Variants in TADA3 observed in about 807,000 individuals in gnomAD.
TADA3 encodes the protein transcriptional adapter 3.
In TADA3, 25 loss-of-function variants were observed where a neutral mutation model predicts 43.2. The observed-to-expected ratio is 0.58, with a 90% confidence interval of 0.42 to 0.81. TADA3 has a LOEUF of 0.81. Ranked by LOEUF, TADA3 falls within the 30% of genes least tolerant of loss-of-function variation. The probability of loss-of-function intolerance (pLI) is 0.00; values close to 1 mark genes in which losing one functional copy is unlikely to be tolerated. For synonymous variants in TADA3, 235 were observed against 225.5 expected, an observed-to-expected ratio of 1.04 and a Z score of -0.38; for missense variants, 441 against 567.8, an observed-to-expected ratio of 0.78 and a Z score of 2.27.
At chr3:9,786,482 T>C (rs1271081228) in intron 6 of TADA3, among the ~76,000 whole-genome samples, 1 of 151,682 alleles carries the variant, frequency 6.6e-6, no homozygotes, top group African/African-American at 2.4e-5. Context: ...GTGTCTAAGG[T>C]CAACCAGCAG....
intron 7 of TADA3, 112 bp from the exon 8 acceptor site, chr3:9,784,325 AC>A: frequency 2.2e-6 from 3 of 1,381,810 alleles, no homozygotes; most frequent in East Asian, 2.5e-5. Context: ...CCCTTTGGGC[AC>A]CCCCTCTGTA....
chr3:9,785,703 C>T (rs546869890), intron 6 of TADA3, among the ~76,000 whole-genome samples: 6 of 152,322 alleles, frequency 3.9e-5, no homozygotes, highest in South Asian at 2.1e-4. Context: ...GCGTCTGCAA[C>T]GCACCAGGCA....
upstream of TADA3, chr3:9,792,666 C>T (rs2078768064): frequency 1.8e-5 from 22 of 1,230,818 alleles, no homozygotes; most frequent in South Asian, 3.6e-4. Flanking sequence ...GCCGAGATCT[C>T]CGCGCTGCAG....
rs200448429 is a variant in TADA3, at chr3:9,781,617, A to G, written c.1107-1068T>C. ...TGACAGGAGGTGGGTGAGACACCAG[A>G]TCAATCTCTCTGAACAGGGTCTGAT... On this transcript the variant is annotated intron_variant, in intron 8 of 8. Coordinates refer to ENST00000301964, the MANE Select transcript of TADA3 (RefSeq NM_006354.5). The G allele has an allele frequency of 2.9e-4, 131 of 455,488 alleles. No individual in the cohort carries two copies. The Middle Eastern group carries it at 2.9e-3, about 10-fold the overall frequency. The allele number at this position is 455,488 out of a possible 1,614,324, so 28.2% of individuals were successfully genotyped here.
In TADA3 at chr3:9,791,487, T is replaced by C. The variant is rs758856567; in HGVS notation, c.-21A>G. On this transcript the variant is annotated 5_prime_UTR_variant, in exon 2 of 9. Transcript: ENST00000301964. ...CTCATGGCCCAGGATATGGGGATCC[T>C]GTGGAGCTGGAGAGGACAGGGCCAT... 7.6e-6 allele frequency: 12 copies of C among 1,584,050 alleles called. No homozygotes were observed. The highest frequency in any genetic ancestry group is 4.0e-5 in the African/African-American group (3 of 74,422).
chr3:9,786,249 T>TA (rs2125622805), intron 6 of TADA3, among the ~76,000 whole-genome samples: 1 of 152,246 alleles, frequency 6.6e-6, no homozygotes, highest in East Asian at 1.9e-4. Flanking sequence ...TCCTTGCTCT[T>TA]ATTCTGTGGG....
rs377606064 is a variant in TADA3 at position 9,785,366 on chromosome 3, T to C, written c.870A>G (p.Ser290=). The C allele has an allele frequency of 5.9e-5, 96 of 1,614,028 alleles. 1 individual carries two copies. The East Asian group carries it at 1.4e-3, about 24-fold the overall frequency. ...SPIPDMSGKE[S]GADGASTSPR... Reference sequence around the variant, plus strand: ...GGGAGGTGCTTGCCCCGTCAGCCCCTGATTCTTTCCCAGACATGTCAGGAA... The same window carrying C: ...GGGAGGTGCTTGCCCCGTCAGCCCCCGATTCTTTCCCAGACATGTCAGGAA... The change falls in exon 7 of 9, where the codon TCA becomes TCG. Residue 290 remains serine (S), a synonymous_variant. Coordinates refer to ENST00000301964, the MANE Select transcript of TADA3 (RefSeq NM_006354.5).
At position 9,789,587 on chromosome 3, in the gene TADA3, A is replaced by C; in HGVS notation, c.486T>G (p.Cys162Trp). 1 of 1,614,158 alleles carries C rather than the reference A, an allele frequency of 6.2e-7. No homozygotes were observed. Among genetic ancestry groups the C allele is most frequent in the Non-Finnish European group, 8.5e-7 (1 of 1,180,014 alleles). Residue 162 changes from cysteine to tryptophan, a missense_variant, in exon 4 of 9, where the codon TGT (cysteine) becomes TGG (tryptophan). By Grantham distance (215) the Cys-to-Trp change is radical (BLOSUM62 -2). Coordinates refer to ENST00000301964, the MANE Select transcript of TADA3 (RefSeq NM_006354.5). ...GGACCTCCTCGCTGGTGATGTCAGC[A>C]CAGTAGGGCTCCACTGAAGCCCAGA... ...NRFWASVEPYCADITSEEVRT... is the reference protein window; with the variant it reads ...NRFWASVEPYWADITSEEVRT...
Position 9,791,427 on chromosome 3 carries a change from A to C in TADA3, c.40T>G (p.Phe14Val). ...ACCTTCAGGTGATCCACAGACTTGA[A>C]GTCGTGGAACTGCAAGGGGCAGTCT... ...LKDCPLQFHD[F>V]KSVDHLKVCP... Residue 14 changes from phenylalanine (F) to valine (V), a missense_variant, in exon 2 of 9, where the codon TTC (phenylalanine) becomes GTC (valine). Transcript: ENST00000301964. The C allele has an allele frequency of 6.2e-7, 1 of 1,613,904 alleles. No homozygotes were observed. Among genetic ancestry groups the C allele is most frequent in the Non-Finnish European group, 8.5e-7 (1 of 1,179,788 alleles).
At chr3:9,785,174 C>CA in intron 7 of TADA3, 142 bp downstream of exon 7, 1 of 605,190 alleles carries the variant, frequency 1.7e-6, no homozygotes, top group South Asian at 2.3e-5. Context: ...CACGCTGGGT[C>CA]ATCACTCACA....
intron 7 of TADA3, among the ~76,000 whole-genome samples, chr3:9,784,739 C>A (rs1161327859): frequency 6.6e-6 from 1 of 151,944 alleles, no homozygotes; most frequent in Non-Finnish European, 1.5e-5. Context: ...GTGGCAGGCG[C>A]CTGTAATCAC....
In TADA3 at chr3:9,784,057, G is replaced by T; in HGVS notation, c.1077C>A (p.His359Gln). 2 of 1,614,142 alleles carry T rather than the reference G, an allele frequency of 1.2e-6. No individual in the cohort carries two copies. The highest frequency in any genetic ancestry group is 1.7e-6 in the Non-Finnish European group (2 of 1,180,000). The change falls in exon 8 of 9, where the codon CAC becomes CAA. Residue 359 changes from histidine to glutamine, a missense_variant. Physicochemically the swap from His to Gln is conservative, Grantham distance 24. Coordinates refer to ENST00000301964, the MANE Select transcript of TADA3 (RefSeq NM_006354.5). ...GCAGGTCGTGCTTCTTGGTGCGGTTGTGGGCACTAAGTGCCTTCAGCTCAG... is the reference window on the plus strand; with the variant it reads ...GCAGGTCGTGCTTCTTGGTGCGGTTTTGGGCACTAAGTGCCTTCAGCTCAG... Reference protein sequence around the residue: ...RQAELKALSAHNRTKKHDLLR... With the variant: ...RQAELKALSAQNRTKKHDLLR...
Position 9,789,900 on chromosome 3 carries a change from C to T in TADA3, c.271G>A (p.Glu91Lys). ...CCATGTTTGGGGGGAGCTCCAAGTTCATGGTCTCGACCCAGCTTCAGGAAT... is the reference window on the plus strand; with the variant it reads ...CCATGTTTGGGGGGAGCTCCAAGTTTATGGTCTCGACCCAGCTTCAGGAAT... ...RRFLKLGRDH[E>K]LGAPPKHGKP... Residue 91 changes from glutamate to lysine, a missense_variant, in exon 3 of 9, where the codon GAA becomes AAA. Physicochemically the swap from Glu to Lys is moderately conservative, Grantham distance 56. Transcript: ENST00000301964. The T allele has an allele frequency of 6.2e-7, 1 of 1,614,194 alleles. No individual in the cohort carries two copies. The highest frequency in any genetic ancestry group is 8.5e-7 in the Non-Finnish European group (1 of 1,180,032).
intron 4 of TADA3, 52 bp from the exon 5 acceptor site, chr3:9,787,392 G>T: frequency 6.5e-7 from 1 of 1,547,952 alleles, no homozygotes; most frequent in Non-Finnish European, 8.7e-7. Flanking sequence ...GGCCAGCCAT[G>T]CTTCATTCAT....
intron 6 of TADA3, among the ~76,000 whole-genome samples, chr3:9,786,262 T>C (rs904032185): frequency 6.6e-6 from 1 of 152,180 alleles, no homozygotes; most frequent in African/African-American, 2.4e-5. Flanking sequence ...TCTGTGGGAC[T>C]GGAGTGACAA....
At chr3:9,783,156 T>C (rs1228299566) in intron 8 of TADA3, 1 of 152,242 alleles carries the variant, frequency 6.6e-6, no homozygotes, top group Non-Finnish European at 1.5e-5. Flanking sequence ...ATGTTTATTG[T>C]ATGATTCTTT....
At chr3:9,780,697 TAC>T in intron 8 of TADA3, 148 bp from the exon 9 acceptor site, 2 of 698,692 alleles carry the variant, frequency 2.9e-6, no homozygotes, top group Non-Finnish European at 4.7e-6. Context: ...GTTACTGACC[TAC>T]ACTTACATGG....
chr3:9,784,009 G>A lies in TADA3; in HGVS notation c.1106+19C>T, dbSNP rs747926283. 2 of 1,606,766 alleles carry A rather than the reference G, an allele frequency of 1.2e-6. No homozygotes were observed. The highest frequency in any genetic ancestry group is 8.5e-7 in the Non-Finnish European group (1 of 1,174,362). On this transcript the variant is annotated intron_variant, in intron 8 of 8. Transcript: ENST00000301964. ...CCTCCAAGGCCACCCCCGGGACTGT[G>A]CATCCTGCTAACGCTCACCTCAGCA...
At chr3:9,786,619 C>G (rs1305244824) in intron 6 of TADA3, among the ~76,000 whole-genome samples, 1 of 152,166 alleles carries the variant, frequency 6.6e-6, no homozygotes, top group South Asian at 2.1e-4. Context: ...TCCTGGCCTC[C>G]AGTGGGAGGA....
Sources: allele counts gnomAD v4.1 joint callset (sites outside exome capture counted in the v4.1 genomes callset), GRCh38; gene constraint gnomAD v4.1.1; transcripts MANE v1.5; gene names NCBI Gene and HGNC (gene_info 2026-07-23, HGNC 2026-07-21).